Variants in MAGI1 observed in about 807,000 individuals in gnomAD.
MAGI1 encodes the protein membrane associated guanylate kinase, WW and PDZ domain containing 1, also known as membrane-associated guanylate kinase, WW and PDZ domain-containing protein 1.
A neutral mutation model predicts 139.9 loss-of-function variants in MAGI1; 58 were observed. That is an observed-to-expected ratio of 0.41 (90% CI 0.34 to 0.52). MAGI1 has a LOEUF of 0.52. Ranked by LOEUF, MAGI1 falls within the 20% of genes least tolerant of loss-of-function variation. The pLI, the probability that MAGI1 is intolerant of heterozygous loss-of-function variation, is 0.12. For synonymous variants in MAGI1, 812 were observed against 737.9 expected (o/e 1.10, Z -1.63); for missense variants, 1,874 against 1,901.6 (o/e 0.99, Z 0.27).
intron 1 of MAGI1, among the ~76,000 whole-genome samples, chr3:65,791,162 G>A (rs7610001): frequency 0.061 from 9,218 of 152,224 alleles, 556 homozygotes; most frequent in African/African-American, 0.15. Context: ...CACACAGCGC[G>A]TGCTGTCCAT....
At chr3:65,473,258 T>A (rs1950662475) in intron 4 of MAGI1, among the ~76,000 whole-genome samples, 1 of 152,178 alleles carries the variant, frequency 6.6e-6, no homozygotes, top group African/African-American at 2.4e-5. Context: ...GGTTATAACA[T>A]CAAACCACAG....
At chr3:65,504,463 G>A (rs2077199717) in intron 2 of MAGI1, among the ~76,000 whole-genome samples, 1 of 152,136 alleles carries the variant, frequency 6.6e-6, no homozygotes, top group Admixed American at 6.5e-5. Flanking sequence ...GACTTGCCAA[G>A]AATTACACAG....
intron 2 of MAGI1, among the ~76,000 whole-genome samples, chr3:65,496,020 G>A (rs1225925484): frequency 3.9e-5 from 6 of 152,034 alleles, no homozygotes; most frequent in African/African-American, 1.4e-4. Flanking sequence ...TTTGAGCAAG[G>A]GGGTGCGTTG....
intron 1 of MAGI1, among the ~76,000 whole-genome samples, chr3:65,853,402 A>G (rs535647038): frequency 1.1e-4 from 17 of 152,356 alleles, no homozygotes; most frequent in African/African-American, 4.1e-4. Flanking sequence ...GGGCAAAGAT[A>G]AGATCTTAAT....
intron 20 of MAGI1, among the ~76,000 whole-genome samples, chr3:65,364,270 C>T (rs1389172732): frequency 6.6e-6 from 1 of 151,918 alleles, no homozygotes; most frequent in African/African-American, 2.4e-5. Context: ...TCTCCCTCGC[C>T]ATCCTGAGGA....
intron 12 of MAGI1, among the ~76,000 whole-genome samples, chr3:65,408,924 TG>T (rs1945561371): frequency 6.6e-6 from 1 of 152,152 alleles, no homozygotes; most frequent in African/African-American, 2.4e-5. Flanking sequence ...TCACATTCTG[TG>T]GGGAGACAGA....
chr3:65,670,618 T>C (rs1395326909), intron 1 of MAGI1, among the ~76,000 whole-genome samples: 2 of 152,152 alleles, frequency 1.3e-5, no homozygotes, highest in Admixed American at 6.5e-5. Context: ...CTTGCTAAGA[T>C]TTTTTGCAAA....
At chr3:65,625,252 A>T (rs529324560) in intron 1 of MAGI1, among the ~76,000 whole-genome samples, 2 of 152,212 alleles carry the variant, frequency 1.3e-5, no homozygotes, top group Non-Finnish European at 2.9e-5. Context: ...TACATAAAAC[A>T]AGTATGTTTT....
intron 1 of MAGI1, among the ~76,000 whole-genome samples, chr3:65,974,982 CCAGTAACAAATTAA>C (rs1177203391): frequency 6.6e-6 from 1 of 151,946 alleles, no homozygotes; most frequent in Non-Finnish European, 1.5e-5. Flanking sequence ...AATTGCAAAG[CCAGTAACAAATTAA>C]CATAGTACCA....
intron 1 of MAGI1, among the ~76,000 whole-genome samples, chr3:66,022,982 G>C (rs955618861): frequency 6.6e-6 from 1 of 152,138 alleles, no homozygotes; most frequent in Admixed American, 6.6e-5. Context: ...TGAAATATAA[G>C]CTTTTTGTGC....
chr3:65,777,873 T>C (rs970457930), intron 1 of MAGI1, among the ~76,000 whole-genome samples: 1 of 152,118 alleles, frequency 6.6e-6, no homozygotes, highest in Non-Finnish European at 1.5e-5. Flanking sequence ...ATATAAAAAA[T>C]TTAGCAAGAA....
chr3:65,924,657 G>A (rs891266115), intron 1 of MAGI1, among the ~76,000 whole-genome samples: 2 of 152,096 alleles, frequency 1.3e-5, no homozygotes, highest in Non-Finnish European at 2.9e-5. Context: ...CTTAATTACC[G>A]AAGGTCCACC....
At chr3:65,773,393 C>T (rs184518881) in intron 1 of MAGI1, among the ~76,000 whole-genome samples, 26 of 152,168 alleles carry the variant, frequency 1.7e-4, no homozygotes, top group African/African-American at 6.3e-4. Context: ...ATTAGTCAGG[C>T]ATGGCAGTGC....
chr3:65,809,731 C>G (rs2041100864), intron 1 of MAGI1, among the ~76,000 whole-genome samples: 1 of 152,168 alleles, frequency 6.6e-6, no homozygotes, highest in Non-Finnish European at 1.5e-5. Flanking sequence ...GCCCAGTTAC[C>G]AAAGGAAGGG....
intron 1 of MAGI1, among the ~76,000 whole-genome samples, chr3:65,721,758 A>T (rs1379261181): frequency 1.3e-5 from 2 of 152,124 alleles, no homozygotes; most frequent in African/African-American, 4.8e-5. Flanking sequence ...ATGAACACTT[A>T]TGGAATTAAA....
At chr3:65,547,939 T>G (rs541465224) in intron 2 of MAGI1, among the ~76,000 whole-genome samples, 1 of 152,170 alleles carries the variant, frequency 6.6e-6, no homozygotes, top group Non-Finnish European at 1.5e-5. Flanking sequence ...ATTGGGAGCT[T>G]AGAACAATGA....
At chr3:65,364,275 T>C (rs1295109361) in intron 20 of MAGI1, among the ~76,000 whole-genome samples, 1 of 151,954 alleles carries the variant, frequency 6.6e-6, no homozygotes, top group Non-Finnish European at 1.5e-5. Context: ...CTCGCCATCC[T>C]GAGGACAGGC....
chr3:65,478,899 T>C, intron 3 of MAGI1, 101 bp from the exon 4 acceptor site: 2 of 863,202 alleles, frequency 2.3e-6, no homozygotes. Flanking sequence ...AAAAAAAAAT[T>C]AAACTAGAAA....
chr3:65,451,844 C>G (rs1949049807), intron 6 of MAGI1, among the ~76,000 whole-genome samples: 1 of 151,958 alleles, frequency 6.6e-6, no homozygotes, highest in African/African-American at 2.4e-5. Context: ...GTCAAGGTCT[C>G]ACTACATTGC....
Sources: gnomAD v4.1 joint callset for allele counts (sites outside exome capture counted in the v4.1 genomes callset) on GRCh38, gnomAD v4.1.1 for gene constraint, MANE v1.5 for transcripts, NCBI Gene and HGNC (gene_info 2026-07-23, HGNC 2026-07-21) for gene names.